The following ZBTB8OS variants were observed in gnomAD, a reference collection of about 807,000 sequenced individuals.
ZBTB8OS encodes the protein tRNA-splicing ligase-activating factor archease.
In ZBTB8OS, 16 loss-of-function variants were observed where a neutral mutation model predicts 29.3. The ratio of observed to expected loss-of-function variants is 0.55; its 90% CI spans 0.37 to 0.83. ZBTB8OS has a LOEUF of 0.83. ZBTB8OS is among the 40% of genes least tolerant of loss of function. The pLI, the probability that ZBTB8OS is intolerant of heterozygous loss-of-function variation, is 0.00. For missense variants in ZBTB8OS, 160 were observed against 196.9 expected (o/e 0.81, Z 1.12); for synonymous variants, 70 against 64.6 (o/e 1.08, Z -0.40).
At chr1:32,650,605 A>T (rs41265851), upstream of ZBTB8OS, 53,695 of 1,598,590 alleles carry the variant, frequency 0.034, 1,044 homozygotes, top group Non-Finnish European at 0.038. Flanking sequence ...TCCGCTCTAG[A>T]CTCCGCCCCT....
chr1:32,621,644 G>A lies in ZBTB8OS; in HGVS notation c.*218C>T, dbSNP rs1357783376. On this transcript the variant is annotated 3_prime_UTR_variant, in exon 7 of 7. Coordinates refer to ENST00000468695, the MANE Select transcript of ZBTB8OS (RefSeq NM_178547.5). ...AAAGGACCATAACTGTCCCTTGGGGGGTTGAAGAATTCTTTAAAGTGTGAA... is the reference window on the plus strand; with the variant it reads ...AAAGGACCATAACTGTCCCTTGGGGAGTTGAAGAATTCTTTAAAGTGTGAA... The A allele has an allele frequency of 2.2e-5, 11 of 510,670 alleles. No individual in the cohort carries two copies. Among genetic ancestry groups the A allele is most frequent in the Admixed American group, 7.8e-5 (2 of 25,608 alleles). The allele number at this position is 510,670 out of a possible 1,614,324, so 31.6% of individuals were successfully genotyped here.
chr1:32,647,307 C>A (rs1180446782), intron 1 of ZBTB8OS, among the ~76,000 whole-genome samples: 1 of 148,744 alleles, frequency 6.7e-6, no homozygotes, highest in Admixed American at 6.7e-5. Flanking sequence ...TGTGGTGGTG[C>A]ATGTCTGTAG....
chr1:32,631,948 T>C (rs1570547441), intron 4 of ZBTB8OS, 69 bp from the exon 5 acceptor site: 2 of 912,388 alleles, frequency 2.2e-6, no homozygotes, highest in Non-Finnish European at 3.2e-6. Context: ...AATCTTTTTG[T>C]TCTGTTTTGT....
At chr1:32,634,740 C>T in intron 2 of ZBTB8OS, 28 bp downstream of exon 2, 2 of 1,613,840 alleles carry the variant, frequency 1.2e-6, no homozygotes, top group East Asian at 2.2e-5. Flanking sequence ...GACGTGGTTT[C>T]AAAGGAATGA....
chr1:32,624,797 G>C (rs1644992156), intron 6 of ZBTB8OS, among the ~76,000 whole-genome samples: 1 of 151,696 alleles, frequency 6.6e-6, no homozygotes, highest in South Asian at 2.1e-4. Flanking sequence ...AGGAGGCAGA[G>C]ACAGGAGAAT....
At chr1:32,625,932 G>A (rs1645099235) in intron 6 of ZBTB8OS, among the ~76,000 whole-genome samples, 2 of 151,636 alleles carry the variant, frequency 1.3e-5, no homozygotes, top group African/African-American at 4.9e-5. Context: ...GTGTGCAATG[G>A]CGTGATCTCC....
rs922472284 is a variant in ZBTB8OS at position 32,620,820 on chromosome 1, T to A, written c.*1042A>T. ...TTAAACAAAAACAACAATAAAGAAA[T>A]TTTTCAAAAATTCTCCTTTTATTCT... On this transcript the variant is annotated 3_prime_UTR_variant, in exon 7 of 7. Coordinates refer to ENST00000468695, the MANE Select transcript of ZBTB8OS (RefSeq NM_178547.5). 3 of 152,098 alleles carry A rather than the reference T, an allele frequency of 2.0e-5. No individual in the cohort carries two copies. Among genetic ancestry groups the A allele is most frequent in the Admixed American group, 6.6e-5 (1 of 15,252 alleles). 9.4% of individuals were successfully genotyped at this position (152,098 alleles called of 1,614,324 possible). A position where few individuals can be genotyped will look rare whatever the true frequency, so the allele number is the denominator to read the frequency against.
At chr1:32,642,997 TTGACCTC>T (rs1436559275) in intron 1 of ZBTB8OS, among the ~76,000 whole-genome samples, 14 of 147,954 alleles carry the variant, frequency 9.5e-5, no homozygotes, top group African/African-American at 3.3e-4. Context: ...TCTCAAACCC[TTGACCTC>T]AGGTGATCTG....
At chr1:32,627,435 T>C (rs763592632) in intron 6 of ZBTB8OS, 73 bp downstream of exon 6, 5 of 1,355,708 alleles carry the variant, frequency 3.7e-6, no homozygotes, top group Non-Finnish European at 5.3e-6. Flanking sequence ...CTAACTGAAG[T>C]TGATTGTCAC....
rs1164446950 is a variant in ZBTB8OS at position 32,620,997 on chromosome 1, C to G, written c.*865G>C. The G allele has an allele frequency of 1.3e-5, 2 of 152,144 alleles. No individual in the cohort carries two copies. Among genetic ancestry groups the G allele is most frequent in the African/African-American group, 4.8e-5 (2 of 41,436 alleles). The allele number at this position is 152,144 out of a possible 1,614,324, so 9.4% of individuals were successfully genotyped here. On this transcript the variant is annotated 3_prime_UTR_variant, in exon 7 of 7. Transcript: ENST00000468695. ...TGAAAGCGTGAGAGAAAAATCAGGGCTCTATCTAGAGAAGTCTAATTGTTT... is the reference window on the plus strand; with the variant it reads ...TGAAAGCGTGAGAGAAAAATCAGGGGTCTATCTAGAGAAGTCTAATTGTTT...
chr1:32,631,764 G>C, intron 5 of ZBTB8OS, 63 bp downstream of exon 5: 1 of 1,220,370 alleles, frequency 8.2e-7, no homozygotes, highest in Admixed American at 2.1e-5. Context: ...CTGTTTCCTT[G>C]CTCATTGAAT....
At chr1:32,630,912 C>T (rs1456603001) in intron 5 of ZBTB8OS, among the ~76,000 whole-genome samples, 1 of 151,976 alleles carries the variant, frequency 6.6e-6, no homozygotes, top group Non-Finnish European at 1.5e-5. Context: ...ACTCGGGAGG[C>T]TGAGGCAGAA....
chr1:32,640,217 C>T (rs1231294500), intron 1 of ZBTB8OS, among the ~76,000 whole-genome samples: 2 of 152,146 alleles, frequency 1.3e-5, no homozygotes, highest in Non-Finnish European at 2.9e-5. Flanking sequence ...CTGCCTCAGC[C>T]TCCCGAGTAG....
At chr1:32,635,868 T>G (rs1645915111) in intron 1 of ZBTB8OS, among the ~76,000 whole-genome samples, 1 of 152,162 alleles carries the variant, frequency 6.6e-6, no homozygotes. Flanking sequence ...AAAGACCCCC[T>G]TCTTGCCTGG....
chr1:32,637,371 G>C (rs1022782724), intron 1 of ZBTB8OS, among the ~76,000 whole-genome samples: 2 of 151,794 alleles, frequency 1.3e-5, no homozygotes, highest in Non-Finnish European at 2.9e-5. Flanking sequence ...AGACCAGCCT[G>C]GCCAGTATGA....
intron 1 of ZBTB8OS, among the ~76,000 whole-genome samples, chr1:32,636,991 C>G (rs1026644415): frequency 2.0e-5 from 3 of 152,014 alleles, no homozygotes; most frequent in Non-Finnish European, 4.4e-5. Context: ...TGTCTTCCAG[C>G]CTCTGTGGGA....
At chr1:32,632,978 G>C (rs1481873630) in intron 4 of ZBTB8OS, among the ~76,000 whole-genome samples, 1 of 152,222 alleles carries the variant, frequency 6.6e-6, no homozygotes, top group Non-Finnish European at 1.5e-5. Flanking sequence ...AGCTGGTAAA[G>C]CAGAGAATGG....
At chr1:32,623,159 A>G (rs542071415) in intron 6 of ZBTB8OS, among the ~76,000 whole-genome samples, 16 of 152,294 alleles carry the variant, frequency 1.1e-4, no homozygotes, top group African/African-American at 3.4e-4. Flanking sequence ...ACACCACACA[A>G]AAAAAGGAAG....
intron 6 of ZBTB8OS, among the ~76,000 whole-genome samples, chr1:32,625,131 G>A (rs1414690824): frequency 2.0e-5 from 3 of 151,182 alleles, no homozygotes; most frequent in African/African-American, 7.3e-5. Flanking sequence ...GCTGAGACAC[G>A]AGAATCGCTT....
Sources: allele counts gnomAD v4.1 joint callset (sites outside exome capture counted in the v4.1 genomes callset), GRCh38; gene constraint gnomAD v4.1.1; transcripts MANE v1.5; gene names NCBI Gene and HGNC (gene_info 2026-07-23, HGNC 2026-07-21).